TULP4: variants seen among roughly 807,000 people sequenced by gnomAD.
The protein encoded by TULP4 is TUB like protein 4, also known as tubby-related protein 4.
TULP4 carries 16 observed loss-of-function variants against 129.0 expected under a neutral mutation model. The observed-to-expected ratio is 0.12, with a 90% CI of 0.08 to 0.19. The LOEUF (loss-of-function observed/expected upper bound fraction) is 0.19, where lower values mean the gene tolerates loss of function less well. Among genes scored for constraint, TULP4 ranks in the 10% least tolerant of loss-of-function variants. The pLI is 1.00. For synonymous variants in TULP4, 998 were observed against 854.0 expected (o/e 1.17, Z -2.94); for missense variants, 1,842 against 2,059.1 (o/e 0.89, Z 2.04).
intron 1 of TULP4, among the ~76,000 whole-genome samples, chr6:158,303,051 G>T (rs1371560796): frequency 6.8e-6 from 1 of 147,158 alleles, no homozygotes; most frequent in Non-Finnish European, 1.5e-5. Flanking sequence ...GTATCTAGTA[G>T]GCCCTTAAAC....
At chr6:158,288,599 C>G (rs1265204575) in intron 1 of TULP4, among the ~76,000 whole-genome samples, 1 of 151,880 alleles carries the variant, frequency 6.6e-6, no homozygotes, top group East Asian at 1.9e-4. Context: ...CTCCCGGGTT[C>G]ACGCCATTCT....
intron 1 of TULP4, among the ~76,000 whole-genome samples, chr6:158,286,867 A>G (rs1193669716): frequency 6.6e-6 from 1 of 152,224 alleles, no homozygotes; most frequent in East Asian, 1.9e-4. Context: ...TAATGAGAAG[A>G]TAGTGAACAT....
At chr6:158,264,250 G>C (rs561292749) in intron 1 of TULP4, among the ~76,000 whole-genome samples, 2 of 152,106 alleles carry the variant, frequency 1.3e-5, no homozygotes, top group African/African-American at 2.4e-5. Context: ...AGGTTTTTAC[G>C]GGCTCTGAGG....
intron 9 of TULP4, among the ~76,000 whole-genome samples, chr6:158,491,896 T>A (rs1253842677): frequency 5.9e-5 from 9 of 151,800 alleles, no homozygotes; most frequent in Non-Finnish European, 1.3e-4. Flanking sequence ...TCTTGCTCTG[T>A]CGCCCAGGCT....
intron 3 of TULP4, among the ~76,000 whole-genome samples, chr6:158,438,499 A>G (rs1158264999): frequency 6.6e-6 from 1 of 152,216 alleles, no homozygotes; most frequent in African/African-American, 2.4e-5. Context: ...GTCAGAAAGG[A>G]AAGGATGTAT....
At chr6:158,306,298 T>TAAA (rs1346144010) in intron 1 of TULP4, among the ~76,000 whole-genome samples, 1 of 152,262 alleles carries the variant, frequency 6.6e-6, no homozygotes, top group African/African-American at 2.4e-5. Context: ...CTCATGCCTT[T>TAAA]AATCCCAGTA....
chr6:158,379,880 A>C (rs1279608550), intron 1 of TULP4, among the ~76,000 whole-genome samples: 3 of 152,122 alleles, frequency 2.0e-5, no homozygotes, highest in African/African-American at 7.2e-5. Context: ...AGCAGTCTGG[A>C]GTTAGGGAGG....
chr6:158,338,913 C>G (rs73017738), intron 1 of TULP4, among the ~76,000 whole-genome samples: 1 of 152,320 alleles, frequency 6.6e-6, no homozygotes, highest in Non-Finnish European at 1.5e-5. Context: ...TCCTGTGAGT[C>G]TCTGATGACA....
At chr6:158,348,173 G>GTTTTTTTTTTTTTTTTTTGTTTT (rs34217788) in intron 1 of TULP4, among the ~76,000 whole-genome samples, 1 of 112,170 alleles carries the variant, frequency 8.9e-6, no homozygotes, top group Admixed American at 1.0e-4. Context: ...TTTTTTTAAG[G>GTTTTTTTTTTTTTTTTTTGTTTT]TTTTTTTTTT....
At chr6:158,477,076 G>A (rs538630643) in intron 6 of TULP4, among the ~76,000 whole-genome samples, 1 of 152,276 alleles carries the variant, frequency 6.6e-6, no homozygotes, top group East Asian at 1.9e-4. Flanking sequence ...CTTGCTGTTG[G>A]AATGTAGTTT....
chr6:158,242,258 C>G, intron 1 of TULP4: 1 of 1,554,502 alleles, frequency 6.4e-7, no homozygotes, highest in Non-Finnish European at 8.8e-7. Flanking sequence ...TTCAGCTGGC[C>G]GTGGTCTATC....
chr6:158,351,650 A>G (rs1780526914), intron 1 of TULP4, among the ~76,000 whole-genome samples: 1 of 151,790 alleles, frequency 6.6e-6, no homozygotes, highest in African/African-American at 2.4e-5. Flanking sequence ...CTATATTGAC[A>G]AAGCTGATGA....
intron 1 of TULP4, among the ~76,000 whole-genome samples, chr6:158,322,663 C>A (rs1477059867): frequency 6.6e-6 from 1 of 152,096 alleles, no homozygotes; most frequent in African/African-American, 2.4e-5. Context: ...GATTTTTGTT[C>A]CTCAGTTTAG....
intron 1 of TULP4, among the ~76,000 whole-genome samples, chr6:158,334,461 TAAAAC>T (rs775859304): frequency 9.9e-5 from 15 of 152,200 alleles, no homozygotes; most frequent in South Asian, 2.1e-4. Context: ...ATATAATACA[TAAAAC>T]AAAATACATG....
At chr6:158,260,149 T>C (rs1487345218) in intron 1 of TULP4, among the ~76,000 whole-genome samples, 1 of 152,204 alleles carries the variant, frequency 6.6e-6, no homozygotes, top group Non-Finnish European at 1.5e-5. Flanking sequence ...TGAAATGCTC[T>C]AAGGGCCCAC....
At chr6:158,343,395 G>A (rs76670859) in intron 1 of TULP4, among the ~76,000 whole-genome samples, 1,836 of 152,296 alleles carry the variant, frequency 0.012, 43 homozygotes, top group African/African-American at 0.04. Flanking sequence ...GAAGGGAATG[G>A]TGAGTGTTAC....
chr6:158,292,530 C>T (rs1399872866), intron 1 of TULP4, among the ~76,000 whole-genome samples: 1 of 152,108 alleles, frequency 6.6e-6, no homozygotes, highest in Non-Finnish European at 1.5e-5. Context: ...TGTGCAGAGG[C>T]CCTTTCAGAG....
chr6:158,329,721 G>A (rs1360007125), intron 1 of TULP4, among the ~76,000 whole-genome samples: 1 of 151,990 alleles, frequency 6.6e-6, no homozygotes, highest in Non-Finnish European at 1.5e-5. Flanking sequence ...GCTACAGATG[G>A]CATTTGTGAC....
At chr6:158,471,103 C>A (rs1779670805) in intron 6 of TULP4, among the ~76,000 whole-genome samples, 1 of 152,146 alleles carries the variant, frequency 6.6e-6, no homozygotes, top group Non-Finnish European at 1.5e-5. Flanking sequence ...GAGGTTTAAT[C>A]TGGAAGAGAC....
Sources: gnomAD v4.1 joint callset for allele counts (sites outside exome capture counted in the v4.1 genomes callset) on GRCh38, gnomAD v4.1.1 for gene constraint, MANE v1.5 for transcripts, NCBI Gene and HGNC (gene_info 2026-07-23, HGNC 2026-07-21) for gene names.